CFAP299: variants seen among roughly 807,000 people sequenced by gnomAD.
CFAP299 encodes cilia- and flagella-associated protein 299.
A neutral mutation model predicts 27.0 loss-of-function variants in CFAP299; 21 were observed. That is an observed-to-expected ratio of 0.78 (90% CI 0.55 to 1.12). The LOEUF (loss-of-function observed/expected upper bound fraction) is 1.12. Among genes scored for constraint, CFAP299 ranks in the 50% most tolerant of loss-of-function variants. The pLI, the probability that CFAP299 is intolerant of heterozygous loss-of-function variation, is 0.00. For synonymous variants in CFAP299, 104 were observed against 98.1 expected (o/e 1.06, Z -0.36); for missense variants, 310 against 276.6 (o/e 1.12, Z -0.86).
chr4:80,528,102 T>C (rs146078426), intron 2 of CFAP299, among the ~76,000 whole-genome samples: 90 of 152,270 alleles, frequency 5.9e-4, no homozygotes, highest in African/African-American at 2.0e-3. Flanking sequence ...AGTACAGTTG[T>C]AATTTTCCAT....
intron 3 of CFAP299, among the ~76,000 whole-genome samples, chr4:80,836,456 T>A (rs1339968913): frequency 6.6e-6 from 1 of 152,198 alleles, no homozygotes; most frequent in Non-Finnish European, 1.5e-5. Context: ...ATCTAGCTTC[T>A]AGAGGTTGCC....
At chr4:80,545,329 A>G (rs1486470065) in intron 2 of CFAP299, among the ~76,000 whole-genome samples, 1 of 152,182 alleles carries the variant, frequency 6.6e-6, no homozygotes, top group Non-Finnish European at 1.5e-5. Context: ...AGGCTAACAG[A>G]AGAAAATAAA....
At chr4:80,610,319 C>G (rs1427786338) in intron 3 of CFAP299, among the ~76,000 whole-genome samples, 1 of 152,012 alleles carries the variant, frequency 6.6e-6, no homozygotes, top group Admixed American at 6.6e-5. Context: ...CTTCCAGTGT[C>G]CCCCAACCCC....
intron 3 of CFAP299, among the ~76,000 whole-genome samples, chr4:80,661,498 A>G (rs1740845060): frequency 6.6e-6 from 1 of 152,128 alleles, no homozygotes; most frequent in South Asian, 2.1e-4. Flanking sequence ...CTCTGAACAT[A>G]AATTGTGAAG....
rs182597792 is a variant in CFAP299 at position 80,559,899 on chromosome 4, C to T, written c.243-23194C>T. The stretch of plus-strand genomic sequence containing the variant: ...AAGTAAACTTGAAAGACAGTCTAGG[C>T]CATAAGGACTGCAATGCTTAGGCAA... On this transcript the variant is annotated intron_variant, in intron 2 of 5. Transcript: ENST00000358105. Among the ~76,000 whole-genome samples the T allele has an allele frequency of 9.0e-4, 137 of 152,218 alleles. 1 individual carries two copies. Among genetic ancestry groups the T allele is most frequent in the African/African-American group, 3.1e-3 (129 of 41,550 alleles).
At chr4:80,560,487 G>A (rs1205805243) in intron 2 of CFAP299, among the ~76,000 whole-genome samples, 2 of 152,110 alleles carry the variant, frequency 1.3e-5, no homozygotes, top group Non-Finnish European at 2.9e-5. Flanking sequence ...AGCCACAGGT[G>A]GGTAGAGCAC....
intron 3 of CFAP299, among the ~76,000 whole-genome samples, chr4:80,695,752 A>G (rs1203366790): frequency 6.8e-6 from 1 of 147,894 alleles, no homozygotes; most frequent in Non-Finnish European, 1.5e-5. Context: ...GGCTCACTGC[A>G]CACTCAACCT....
chr4:80,740,262 A>G (rs989716934), intron 3 of CFAP299, among the ~76,000 whole-genome samples: 15 of 152,132 alleles, frequency 9.9e-5, no homozygotes, highest in African/African-American at 3.6e-4. Flanking sequence ...TATTTGTTTT[A>G]GTCTTTGCTG....
chr4:80,675,494 A>G (rs1479628776), intron 3 of CFAP299, among the ~76,000 whole-genome samples: 1 of 152,238 alleles, frequency 6.6e-6, no homozygotes, highest in African/African-American at 2.4e-5. Flanking sequence ...CACAGGGATC[A>G]GTGACCCACT....
intron 3 of CFAP299, among the ~76,000 whole-genome samples, chr4:80,769,728 A>G (rs143854503): frequency 2.0e-5 from 3 of 152,304 alleles, no homozygotes; most frequent in Admixed American, 2.0e-4. Flanking sequence ...TCTATATGTC[A>G]GAAGTCCATG....
At chr4:80,924,958 T>G (rs947048211) in intron 4 of CFAP299, among the ~76,000 whole-genome samples, 2 of 151,918 alleles carry the variant, frequency 1.3e-5, no homozygotes, top group African/African-American at 4.8e-5. Context: ...TGTTTTAAAT[T>G]ACTTTATAGA....
intron 3 of CFAP299, among the ~76,000 whole-genome samples, chr4:80,727,851 T>G (rs1232347958): frequency 6.6e-6 from 1 of 151,844 alleles, no homozygotes; most frequent in Non-Finnish European, 1.5e-5. Flanking sequence ...AGAACAAATA[T>G]GAACTATTTG....
rs553207646 is a variant in CFAP299, at chr4:80,574,623, G to A, written c.243-8470G>A. ...TCATATTTGGCTTTTATTGTTTTGG[G>A]GGTATGTTCCTTCTTTCCACAGTTT... On this transcript the variant is annotated intron_variant, in intron 2 of 5. Coordinates refer to ENST00000358105, the MANE Select transcript of CFAP299 (RefSeq NM_152770.3). 7.9e-5 allele frequency among the ~76,000 whole-genome samples: 12 copies of A among 152,042 alleles called. No homozygotes were observed. The East Asian group carries it at 2.1e-3, about 27-fold the overall frequency.
chr4:80,522,813 A>G (rs140141837), intron 2 of CFAP299, among the ~76,000 whole-genome samples: 2 of 152,104 alleles, frequency 1.3e-5, no homozygotes, highest in South Asian at 2.1e-4. Context: ...CCATATATGT[A>G]TGGGTTTATT....
chr4:80,931,145 AAGTGAGTGAGTGAGTGAGTG>A (rs3038546), intron 4 of CFAP299, among the ~76,000 whole-genome samples: 1,720 of 135,156 alleles, frequency 0.013, 17 homozygotes, highest in South Asian at 0.066. Context: ...ACATAATAAT[AAGTGAGTGAGTGAGTGAGTG>A]AGTGAGTGAG....
intron 2 of CFAP299, among the ~76,000 whole-genome samples, chr4:80,488,849 A>G (rs1364686923): frequency 6.6e-6 from 1 of 152,142 alleles, no homozygotes; most frequent in South Asian, 2.1e-4. Flanking sequence ...GTGGTTCAGC[A>G]TGGAATCTGG....
In CFAP299 at chr4:80,745,068, A is replaced by G. The variant is rs377321361; in HGVS notation, c.334-124925A>G. On this transcript the variant is annotated intron_variant, in intron 3 of 5. Coordinates refer to ENST00000358105, the MANE Select transcript of CFAP299 (RefSeq NM_152770.3). ...GATTTGTTACACACAGAATAAAGAA[A>G]AGAAAATTGATGTTTCACACACAAA... 3.3e-5 allele frequency among the ~76,000 whole-genome samples: 5 copies of G among 152,350 alleles called. No individual in the cohort carries two copies. The South Asian group carries it at 1.0e-3, about 32-fold the overall frequency.
chr4:80,523,885 C>T (rs1243369041), intron 2 of CFAP299, among the ~76,000 whole-genome samples: 1 of 152,046 alleles, frequency 6.6e-6, no homozygotes, highest in Non-Finnish European at 1.5e-5. Context: ...ACCAGGCATG[C>T]TAGTTACAGA....
intron 3 of CFAP299, among the ~76,000 whole-genome samples, chr4:80,670,999 T>A (rs1296878754): frequency 4.6e-5 from 7 of 152,244 alleles, no homozygotes. Context: ...TTTAATTAGA[T>A]CGCATTTGTC....
Sources: allele counts gnomAD v4.1 joint callset (sites outside exome capture counted in the v4.1 genomes callset), GRCh38; gene constraint gnomAD v4.1.1; transcripts MANE v1.5; gene names NCBI Gene and HGNC (gene_info 2026-07-23, HGNC 2026-07-21).